LYPD6B: variants seen among roughly 807,000 people sequenced by gnomAD.
LYPD6B encodes LY6/PLAUR domain containing 6B.
A neutral mutation model predicts 22.8 loss-of-function variants in LYPD6B; 17 were observed. That is an observed-to-expected ratio of 0.75 (90% CI 0.51 to 1.12). The LOEUF (loss-of-function observed/expected upper bound fraction) is 1.12. Ranked by LOEUF, LYPD6B falls within the 50% of genes most tolerant of loss-of-function variation. LYPD6B has a pLI of 0.00. For missense variants in LYPD6B, 221 were observed against 258.3 expected, an observed-to-expected ratio of 0.86 and a Z score of 0.99; for synonymous variants, 106 against 91.6, an observed-to-expected ratio of 1.16 and a Z score of -0.90.
chr2:149,211,082 T>C (rs1693823273), intron 5 of LYPD6B, among the ~76,000 whole-genome samples: 1 of 152,114 alleles, frequency 6.6e-6, no homozygotes, highest in African/African-American at 2.4e-5. Flanking sequence ...ACATGGTGGT[T>C]GCAGGAGCAA....
intron 1 of LYPD6B, among the ~76,000 whole-genome samples, chr2:149,076,329 C>T (rs12470087): frequency 0.42 from 63,817 of 151,868 alleles, 13,676 homozygotes; most frequent in African/African-American, 0.47. Flanking sequence ...TTTTGATTTT[C>T]TTCTTAAAGA....
At chr2:149,076,318 A>T (rs1434931507) in intron 1 of LYPD6B, among the ~76,000 whole-genome samples, 1 of 152,144 alleles carries the variant, frequency 6.6e-6, no homozygotes, top group African/African-American at 2.4e-5. Flanking sequence ...ATTTTTATAC[A>T]TTTTGATTTT....
chr2:149,072,644 C>A (rs1574915661), intron 1 of LYPD6B, among the ~76,000 whole-genome samples: 1 of 151,976 alleles, frequency 6.6e-6, no homozygotes, highest in Non-Finnish European at 1.5e-5. Context: ...TTAAGCGATT[C>A]TTGTGCCTCA....
intron 2 of LYPD6B, among the ~76,000 whole-genome samples, chr2:149,135,448 G>A (rs983465919): frequency 1.1e-4 from 16 of 151,620 alleles, no homozygotes; most frequent in East Asian, 2.0e-4. Context: ...GGCCAGGCAC[G>A]GTGACTCACG....
At chr2:149,187,854 C>T (rs562151424) in intron 3 of LYPD6B, among the ~76,000 whole-genome samples, 35 of 152,298 alleles carry the variant, frequency 2.3e-4, no homozygotes, top group South Asian at 1.4e-3. Flanking sequence ...ATGGGTTGGA[C>T]GAGCTTGCCT....
chr2:149,078,900 C>T (rs531221647), intron 1 of LYPD6B, among the ~76,000 whole-genome samples: 31 of 151,668 alleles, frequency 2.0e-4, no homozygotes, highest in African/African-American at 6.8e-4. Flanking sequence ...CCCATCTACT[C>T]GGGAGGCTGA....
chr2:149,147,349 G>T (rs1020954400), intron 2 of LYPD6B, among the ~76,000 whole-genome samples: 3 of 152,142 alleles, frequency 2.0e-5, no homozygotes, highest in African/African-American at 7.2e-5. Flanking sequence ...TCCAGAGGAG[G>T]GTATCTCTGA....
intron 1 of LYPD6B, among the ~76,000 whole-genome samples, chr2:149,087,419 G>T (rs1685450773): frequency 6.6e-6 from 1 of 152,238 alleles, no homozygotes; most frequent in East Asian, 1.9e-4. Flanking sequence ...GTTGTAATAT[G>T]GTTGAGTTTG....
chr2:149,073,639 A>C (rs1222212508), intron 1 of LYPD6B, among the ~76,000 whole-genome samples: 1 of 151,980 alleles, frequency 6.6e-6, no homozygotes, highest in African/African-American at 2.4e-5. Context: ...GCTTTTGCTT[A>C]TCCTCCTACC....
intron 3 of LYPD6B, among the ~76,000 whole-genome samples, chr2:149,165,166 A>C (rs926653311): frequency 6.6e-6 from 1 of 152,132 alleles, no homozygotes; most frequent in African/African-American, 2.4e-5. Context: ...CCTCCTTGAC[A>C]TGACAGAACT....
chr2:149,040,584 CAG>C (rs1356042270), intron 1 of LYPD6B, among the ~76,000 whole-genome samples: 6 of 152,102 alleles, frequency 3.9e-5, no homozygotes, highest in Non-Finnish European at 7.4e-5. Context: ...TCTCAGCAGA[CAG>C]GGAGAGGTTT....
At chr2:149,164,700 TC>T (rs972084032) in intron 3 of LYPD6B, among the ~76,000 whole-genome samples, 1 of 152,196 alleles carries the variant, frequency 6.6e-6, no homozygotes, top group African/African-American at 2.4e-5. Context: ...CCAAATTTGA[TC>T]ACTAATTGGT....
chr2:149,161,377 T>A (rs1690056644), intron 3 of LYPD6B: 1 of 155,390 alleles, frequency 6.4e-6, no homozygotes, highest in African/African-American at 2.4e-5. Context: ...TAGATGGACG[T>A]GGGCACATTG....
At chr2:149,211,995 G>C (rs891297915) in intron 5 of LYPD6B, among the ~76,000 whole-genome samples, 2 of 151,296 alleles carry the variant, frequency 1.3e-5, no homozygotes, top group South Asian at 4.1e-4. Flanking sequence ...GTGGGAAACA[G>C]AGAAAGTAAA....
intron 3 of LYPD6B, among the ~76,000 whole-genome samples, chr2:149,171,122 G>A (rs749536811): frequency 2.0e-5 from 3 of 152,132 alleles, no homozygotes; most frequent in Non-Finnish European, 4.4e-5. Flanking sequence ...GCCACTCTGG[G>A]ACTCTCAGAT....
intron 1 of LYPD6B, among the ~76,000 whole-genome samples, chr2:149,049,071 A>T (rs1683433615): frequency 6.6e-6 from 1 of 152,230 alleles, no homozygotes; most frequent in South Asian, 2.1e-4. Flanking sequence ...CAGAGGTGTT[A>T]TTCCAATGTA....
intron 1 of LYPD6B, among the ~76,000 whole-genome samples, chr2:149,049,249 T>C (rs1683441912): frequency 6.6e-6 from 1 of 152,200 alleles, no homozygotes; most frequent in South Asian, 2.1e-4. Context: ...TCTCTCATCA[T>C]TGAAATGTAC....
intron 6 of LYPD6B, 26 bp downstream of exon 6, chr2:149,213,148 G>T (rs759902262): frequency 1.2e-6 from 2 of 1,602,204 alleles, no homozygotes; most frequent in Non-Finnish European, 1.7e-6. Flanking sequence ...GTGTGTTATT[G>T]TCTAAACTTT....
At chr2:149,176,821 G>A (rs1355067711) in intron 3 of LYPD6B, among the ~76,000 whole-genome samples, 3 of 152,138 alleles carry the variant, frequency 2.0e-5, no homozygotes, top group African/African-American at 7.2e-5. Context: ...TCTAAAAGAC[G>A]TCCCATGCAG....
Sources: allele counts gnomAD v4.1 joint callset (sites outside exome capture counted in the v4.1 genomes callset), GRCh38; gene constraint gnomAD v4.1.1; transcripts MANE v1.5; gene names NCBI Gene and HGNC (gene_info 2026-07-23, HGNC 2026-07-21).